Variants in CTNNA2 observed in about 807,000 individuals in gnomAD.
CTNNA2 encodes the protein catenin alpha 2, also known as catenin alpha-2.
Under a neutral mutation model 101.0 loss-of-function variants are expected in CTNNA2, and 42 were observed. The observed-to-expected ratio is 0.42, with a 90% CI of 0.32 to 0.54. The LOEUF (loss-of-function observed/expected upper bound fraction) is 0.54. Ranked by LOEUF, CTNNA2 falls within the 20% of genes least tolerant of loss-of-function variation. The pLI is 0.14. For synonymous variants in CTNNA2, 450 were observed against 456.4 expected, an observed-to-expected ratio of 0.99 and a Z score of 0.18; for missense variants, 871 against 1,223.1, an observed-to-expected ratio of 0.71 and a Z score of 4.29.
At chr2:80,036,316 A>G (rs984796778) in intron 7 of CTNNA2, among the ~76,000 whole-genome samples, 3 of 152,212 alleles carry the variant, frequency 2.0e-5, no homozygotes, top group Admixed American at 1.3e-4. Context: ...ACACTCAGAC[A>G]GGTGCAGTTG....
intron 7 of CTNNA2, among the ~76,000 whole-genome samples, chr2:80,082,008 G>T (rs1573022863): frequency 6.6e-6 from 1 of 152,056 alleles, no homozygotes; most frequent in African/African-American, 2.4e-5. Flanking sequence ...TTGAGTGCTG[G>T]GTGATTATAT....
At chr2:79,390,262 A>G (rs1266775474) in intron 4 of CTNNA2, among the ~76,000 whole-genome samples, 1 of 152,194 alleles carries the variant, frequency 6.6e-6, no homozygotes, top group Non-Finnish European at 1.5e-5. Flanking sequence ...ACAAACAACT[A>G]AACAGAACCT....
chr2:80,144,992 A>G (rs181059280), intron 7 of CTNNA2, among the ~76,000 whole-genome samples: 21 of 152,294 alleles, frequency 1.4e-4, no homozygotes, highest in African/African-American at 4.8e-4. Context: ...AAATGCCTCC[A>G]GACATTGCCA....
chr2:79,657,084 G>T (rs1338032999), intron 2 of CTNNA2, among the ~76,000 whole-genome samples: 2 of 151,396 alleles, frequency 1.3e-5, no homozygotes, highest in East Asian at 1.9e-4. Context: ...TAGGAAAACA[G>T]AATTTAATAA....
chr2:80,022,821 C>G (rs995423862), intron 7 of CTNNA2, among the ~76,000 whole-genome samples: 1 of 152,132 alleles, frequency 6.6e-6, no homozygotes, highest in Admixed American at 6.5e-5. Context: ...AGAGATCACT[C>G]GTATGGCAGG....
intron 7 of CTNNA2, among the ~76,000 whole-genome samples, chr2:80,362,421 C>A (rs1431866676): frequency 6.6e-6 from 1 of 151,994 alleles, no homozygotes; most frequent in Admixed American, 6.6e-5. Context: ...TTGTGCTTAC[C>A]CTTACACATC....
intron 7 of CTNNA2, among the ~76,000 whole-genome samples, chr2:79,978,290 T>A (rs1031507343): frequency 6.6e-6 from 1 of 152,284 alleles, no homozygotes; most frequent in East Asian, 1.9e-4. Context: ...CAGTTATTCA[T>A]CAGGAGAGCC....
chr2:79,977,331 A>G (rs1690939271), intron 7 of CTNNA2, among the ~76,000 whole-genome samples: 1 of 151,984 alleles, frequency 6.6e-6, no homozygotes, highest in Admixed American at 6.5e-5. Flanking sequence ...ACTCCAAGGG[A>G]CATGTGGTAA....
Position 79,824,060 on chromosome 2 carries a change from G to C in CTNNA2, c.299-33953G>C, listed in dbSNP as rs566179720. Reference sequence around the variant, plus strand: ...AGGAAATGAGATGAGATCTTGAAAAGCATGTAGGGAGAAATGAAAACAAGC... The same window carrying C: ...AGGAAATGAGATGAGATCTTGAAAACCATGTAGGGAGAAATGAAAACAAGC... On this transcript the variant is annotated intron_variant, in intron 3 of 18. Transcript: ENST00000402739. Among the ~76,000 whole-genome samples the C allele has an allele frequency of 2.2e-4, 33 of 152,268 alleles. No homozygotes were observed. In the South Asian group the frequency reaches 6.8e-3, roughly 32 times the overall value.
chr2:80,142,963 C>A (rs1250335266), intron 7 of CTNNA2, among the ~76,000 whole-genome samples: 1 of 152,014 alleles, frequency 6.6e-6, no homozygotes, highest in Admixed American at 6.6e-5. Flanking sequence ...AGGGGCTTTA[C>A]TGGCCTAACC....
chr2:79,246,230 G>T (rs1340814131), intron 2 of CTNNA2, among the ~76,000 whole-genome samples: 1 of 152,126 alleles, frequency 6.6e-6, no homozygotes, highest in Non-Finnish European at 1.5e-5. Context: ...GGACAAGACG[G>T]TCTCTCAAAT....
At chr2:79,778,616 TAC>T (rs999075042) in intron 3 of CTNNA2, among the ~76,000 whole-genome samples, 1 of 152,158 alleles carries the variant, frequency 6.6e-6, no homozygotes, top group African/African-American at 2.4e-5. Context: ...CACACATATA[TAC>T]ACACGTAACA....
intron 7 of CTNNA2, among the ~76,000 whole-genome samples, chr2:80,180,634 A>G (rs550432275): frequency 7.9e-5 from 12 of 152,342 alleles, no homozygotes; most frequent in African/African-American, 2.9e-4. Context: ...GAGAAGAGCA[A>G]TCACAGAGCC....
rs113697220 is a variant in CTNNA2, at chr2:79,221,979, C to G, written c.-406+23903C>G. Reference sequence around the variant, plus strand: ...TACTCAAAGAAAGGATTTAATGAGGCCTTTTCTGTGTCCAGAGATTAAATG... The same window carrying G: ...TACTCAAAGAAAGGATTTAATGAGGGCTTTTCTGTGTCCAGAGATTAAATG... On this transcript the variant is annotated intron_variant, in intron 2 of 21. Coordinates refer to the CTNNA2 transcript ENST00000466387. Among the ~76,000 whole-genome samples the G allele has an allele frequency of 2.5e-3, 384 of 152,092 alleles. 3 individuals carry two copies. The highest frequency in any genetic ancestry group is 8.6e-3 in the African/African-American group (357 of 41,484).
intron 3 of CTNNA2, among the ~76,000 whole-genome samples, chr2:79,794,513 A>G (rs371295726): frequency 1.3e-5 from 2 of 152,174 alleles, no homozygotes; most frequent in East Asian, 3.9e-4. Context: ...GGCCATAAAC[A>G]TACCCATCAC....
chr2:79,987,580 AGTTGCAG>A (rs1188072919), intron 7 of CTNNA2, among the ~76,000 whole-genome samples: 2 of 149,348 alleles, frequency 1.3e-5, no homozygotes, highest in Non-Finnish European at 3.0e-5. Flanking sequence ...GGAAGGTATA[AGTTGCAG>A]GCATGTAGAA....
At chr2:79,846,562 T>G (rs927766902) in intron 3 of CTNNA2, among the ~76,000 whole-genome samples, 1 of 152,336 alleles carries the variant, frequency 6.6e-6, no homozygotes, top group Middle Eastern at 3.4e-3. Flanking sequence ...AGGCTTCAAC[T>G]ATATGGACTA....
At chr2:80,612,658 G>T (rs915028653) in intron 17 of CTNNA2, among the ~76,000 whole-genome samples, 1 of 151,126 alleles carries the variant, frequency 6.6e-6, no homozygotes. Context: ...TTTTTAAAAA[G>T]TGCCAGTATT....
At chr2:79,479,902 G>A (rs1212729507) in intron 4 of CTNNA2, among the ~76,000 whole-genome samples, 6 of 151,784 alleles carry the variant, frequency 4.0e-5, no homozygotes, top group African/African-American at 1.5e-4. Context: ...TAGACTGGGC[G>A]ACAAAGTGAG....
Sources: gnomAD v4.1 joint callset for allele counts (sites outside exome capture counted in the v4.1 genomes callset) on GRCh38, gnomAD v4.1.1 for gene constraint, MANE v1.5 for transcripts, NCBI Gene and HGNC (gene_info 2026-07-23, HGNC 2026-07-21) for gene names.